ALPK2: variants seen among roughly 807,000 people sequenced by gnomAD.
The protein encoded by ALPK2 is alpha-protein kinase 2.
In ALPK2, 127 loss-of-function variants were observed where a neutral mutation model predicts 163.1. The ratio of observed to expected loss-of-function variants is 0.78; its 90% CI spans 0.67 to 0.90. ALPK2 has a LOEUF of 0.90. Ranked by LOEUF, ALPK2 falls within the 40% of genes least tolerant of loss-of-function variation. The pLI is 0.00. For missense variants in ALPK2, 2,360 were observed against 2,589.6 expected (o/e 0.91, Z 1.92); for synonymous variants, 953 against 959.1 (o/e 0.99, Z 0.12).
intron 3 of ALPK2, among the ~76,000 whole-genome samples, chr18:58,593,219 T>C (rs2052023402): frequency 6.6e-6 from 1 of 152,158 alleles, no homozygotes; most frequent in Non-Finnish European, 1.5e-5. Context: ...CTGTGTCTTA[T>C]GCTCAATTTT....
At chr18:58,567,920 CAG>C (rs1483054841) in intron 4 of ALPK2, among the ~76,000 whole-genome samples, 2 of 152,162 alleles carry the variant, frequency 1.3e-5, no homozygotes, top group African/African-American at 4.8e-5. Flanking sequence ...TTTGCTGGCT[CAG>C]AGACCCACTT....
intron 3 of ALPK2, among the ~76,000 whole-genome samples, chr18:58,604,203 T>C (rs113332651): frequency 3.3e-5 from 5 of 152,276 alleles, no homozygotes; most frequent in Middle Eastern, 3.4e-3. Flanking sequence ...GATTTAATGA[T>C]CCAAAGATCA....
rs763480326 is a variant in ALPK2, at chr18:58,535,237, C to T, written c.4950G>A (p.Ala1650=). The T allele has an allele frequency of 1.6e-5, 26 of 1,614,020 alleles. No individual in the cohort carries two copies. Among genetic ancestry groups the T allele is most frequent in the Admixed American group, 3.3e-5 (2 of 59,998 alleles). Residue 1650 remains alanine (A), a synonymous_variant, in exon 5 of 13, where the codon GCG becomes GCA. Transcript: ENST00000361673. ...CTCCTGAAATAAATGCCAAGGTCTTCGCTGAGGAGCTAGATGAGCTTGGGG... is the reference window on the plus strand; with the variant it reads ...CTCCTGAAATAAATGCCAAGGTCTTTGCTGAGGAGCTAGATGAGCTTGGGG... ...TKPPSSSSSS[A]KTLAFISGER...
chr18:58,583,879 C>A (rs1044505554), intron 3 of ALPK2, among the ~76,000 whole-genome samples: 2 of 152,010 alleles, frequency 1.3e-5, no homozygotes, highest in African/African-American at 4.8e-5. Flanking sequence ...ACCACCTCCC[C>A]TGAAGGTACC....
chr18:58,512,826 G>GGT (rs200994285), intron 10 of ALPK2, among the ~76,000 whole-genome samples: 60 of 140,276 alleles, frequency 4.3e-4, no homozygotes, highest in South Asian at 9.2e-4. Flanking sequence ...GCATGTATGA[G>GGT]GTGTGTGTGT....
chr18:58,501,990 T>G (rs1414787294), intron 11 of ALPK2, among the ~76,000 whole-genome samples: 1 of 151,988 alleles, frequency 6.6e-6, no homozygotes, highest in Non-Finnish European at 1.5e-5. Context: ...TACAAATCCT[T>G]GTGAGTCTAT....
intron 12 of ALPK2, among the ~76,000 whole-genome samples, chr18:58,485,650 C>G (rs542334663): frequency 6.6e-6 from 1 of 152,376 alleles, no homozygotes; most frequent in African/African-American, 2.4e-5. Flanking sequence ...TTTTACATCT[C>G]TATCTTCCTC....
chr18:58,484,410 GC>G (rs2051328131), intron 12 of ALPK2, among the ~76,000 whole-genome samples: 1 of 152,206 alleles, frequency 6.6e-6, no homozygotes, highest in African/African-American at 2.4e-5. Flanking sequence ...TGAATACGAT[GC>G]AGGGGAAGCA....
rs117367820 is a variant in ALPK2, at chr18:58,532,790, C to T, written c.5353+2044G>A. Reference sequence around the variant, plus strand: ...CCTGAGAGGAGTCTTATCATTAGCACCCCCATTTTACAGGTGGGGAAAGTG... The same window carrying T: ...CCTGAGAGGAGTCTTATCATTAGCATCCCCATTTTACAGGTGGGGAAAGTG... On this transcript the variant is annotated intron_variant, in intron 5 of 12. Transcript: ENST00000361673. Among the ~76,000 whole-genome samples, 1,320 of 152,276 alleles carry T rather than the reference C, an allele frequency of 8.7e-3. 9 individuals carry two copies. Among genetic ancestry groups the T allele is most frequent in the Non-Finnish European group, 0.014 (946 of 68,020 alleles).
rs1331202367 is a variant in ALPK2, at chr18:58,537,432, A to G, written c.2755T>C (p.Tyr919His). 1 of 1,613,194 alleles carries G rather than the reference A, an allele frequency of 6.2e-7. No individual in the cohort carries two copies. The highest frequency in any genetic ancestry group is 8.5e-7 in the Non-Finnish European group (1 of 1,179,444). The change falls in exon 5 of 13, where the codon TAC becomes CAC. Residue 919 changes from tyrosine to histidine, a missense_variant. Tyr to His is a moderately conservative substitution (Grantham distance 83). Transcript: ENST00000361673. ...GCATGTACTGTGGAGGCCAGTGGGTAGGTGGAATTCTCCACCTTGGCTAGA... is the reference window on the plus strand; with the variant it reads ...GCATGTACTGTGGAGGCCAGTGGGTGGGTGGAATTCTCCACCTTGGCTAGA... ...ENLAKVENST[Y>H]PLASTVHAGQ...
intron 1 of ALPK2, among the ~76,000 whole-genome samples, chr18:58,626,617 C>T (rs2052232014): frequency 6.6e-6 from 1 of 152,112 alleles, no homozygotes; most frequent in African/African-American, 2.4e-5. Flanking sequence ...AAAGCATTCC[C>T]AGAGGATGTT....
intron 4 of ALPK2, among the ~76,000 whole-genome samples, chr18:58,551,401 C>T (rs1568082956): frequency 6.6e-6 from 1 of 152,312 alleles, no homozygotes; most frequent in Admixed American, 6.5e-5. Flanking sequence ...TTCATGTGGC[C>T]ATCTTCCCTC....
intron 10 of ALPK2, among the ~76,000 whole-genome samples, chr18:58,504,630 C>A (rs1448651810): frequency 6.6e-6 from 1 of 152,196 alleles, no homozygotes; most frequent in African/African-American, 2.4e-5. Flanking sequence ...TTCCTCAAAA[C>A]AGCAATAAAG....
At chr18:58,489,693 G>A (rs12956786) in intron 12 of ALPK2, among the ~76,000 whole-genome samples, 118,526 of 151,900 alleles carry the variant, frequency 0.78, 46,892 homozygotes, top group Middle Eastern at 0.85. Context: ...TCTCAAAACA[G>A]TCATAATAAT....
At chr18:58,505,509 G>A (rs1212398636) in intron 10 of ALPK2, among the ~76,000 whole-genome samples, 1 of 151,908 alleles carries the variant, frequency 6.6e-6, no homozygotes, top group Non-Finnish European at 1.5e-5. Flanking sequence ...AGGTGCCCTG[G>A]TCCCCGCCCC....
chr18:58,555,093 C>CTAA (rs1347629694), intron 4 of ALPK2, among the ~76,000 whole-genome samples: 3 of 152,182 alleles, frequency 2.0e-5, no homozygotes, highest in Non-Finnish European at 4.4e-5. Context: ...TGAAAATGGA[C>CTAA]TAATACACAG....
In ALPK2 at chr18:58,535,752, C is replaced by T; in HGVS notation, c.4435G>A (p.Ala1479Thr). 1.9e-6 allele frequency: 3 copies of T among 1,614,170 alleles called. No homozygotes were observed. Among genetic ancestry groups the T allele is most frequent in the Non-Finnish European group, 2.5e-6 (3 of 1,180,006 alleles). ...RSQEGSMKQE[A>T]EQIQPEEAKT... ...GCCTCCTCAGGTTGAATTTGTTCAG[C>T]CTCCTGCTTCATACTGCCTTCTTGG... is the stretch of plus-strand genomic sequence containing the variant. The change falls in exon 5 of 13, where the codon GCT becomes ACT. Residue 1479 changes from alanine to threonine, a missense_variant. Physicochemically the swap from Ala to Thr is moderately conservative, Grantham distance 58 (BLOSUM62 0). Transcript: ENST00000361673.
At position 58,600,123 on chromosome 18, in the gene ALPK2, G is replaced by A. The variant is rs926760767; in HGVS notation, c.227+7199C>T. The stretch of plus-strand genomic sequence containing the variant: ...ATGATCTCTGCTCACTGCAACCTCC[G>A]CCTCCCGGGTTCAAGTGATTCTCAT... On this transcript the variant is annotated intron_variant, in intron 3 of 12. Coordinates refer to ENST00000361673, the MANE Select transcript of ALPK2 (RefSeq NM_052947.4). Among the ~76,000 whole-genome samples, 20 of 127,752 alleles carry A rather than the reference G, an allele frequency of 1.6e-4. 1 individual carries two copies. Among genetic ancestry groups the A allele is most frequent in the Admixed American group, 8.0e-4 (8 of 10,038 alleles). 83.8% of individuals were successfully genotyped at this position (127,752 alleles called of 152,430 possible).
At chr18:58,549,678 T>C (rs1400045476) in intron 4 of ALPK2, among the ~76,000 whole-genome samples, 1 of 152,234 alleles carries the variant, frequency 6.6e-6, no homozygotes, top group East Asian at 1.9e-4. Flanking sequence ...GGGCCCCCAA[T>C]CAGGGATGTG....
Sources: gnomAD v4.1 joint callset for allele counts (sites outside exome capture counted in the v4.1 genomes callset) on GRCh38, gnomAD v4.1.1 for gene constraint, MANE v1.5 for transcripts, NCBI Gene and HGNC (gene_info 2026-07-23, HGNC 2026-07-21) for gene names.